The following MFSD12 variants were observed in gnomAD, a reference collection of about 807,000 sequenced individuals.
MFSD12 encodes major facilitator superfamily domain-containing protein 12.
Under a neutral mutation model 51.2 loss-of-function variants are expected in MFSD12, and 67 were observed. That is an observed-to-expected ratio of 1.31 (90% CI 1.08 to 1.60). MFSD12 has a LOEUF of 1.60. Among genes scored for constraint, MFSD12 ranks in the 40% most tolerant of loss-of-function variants. MFSD12 has a pLI of 0.00. For missense variants in MFSD12, 921 were observed against 673.0 expected (o/e 1.37, Z -4.08); for synonymous variants, 441 against 316.7 (o/e 1.39, Z -4.17).
chr19:3,544,381 T>G lies in MFSD12; in HGVS notation c.*329A>C. The G allele has an allele frequency of 7.8e-7, 1 of 1,288,574 alleles. No homozygotes were observed. Among genetic ancestry groups the G allele is most frequent in the Non-Finnish European group, 9.8e-7 (1 of 1,018,082 alleles). The allele number at this position is 1,288,574 out of a possible 1,614,324, so 79.8% of individuals were successfully genotyped here. A position where few individuals can be genotyped will look rare whatever the true frequency, so the allele number is the denominator to read the frequency against. ...CCCAGGCTGGAGGTGAGGGGTGAAC[T>G]GGACTGAGCTCAGGGTTAGGGTTCC... On this transcript the variant is annotated 3_prime_UTR_variant, in exon 10 of 10. Transcript: ENST00000355415.
At chr19:3,541,764 C>G (rs916945429), downstream of MFSD12, 1 of 985,162 alleles carries the variant, frequency 1.0e-6, no homozygotes, top group African/African-American at 1.7e-5. Flanking sequence ...GGTACGGGGC[C>G]GACAGCAGGG....
chr19:3,545,657 G>A (rs997729958), intron 8 of MFSD12, among the ~76,000 whole-genome samples: 6 of 152,226 alleles, frequency 3.9e-5, no homozygotes, highest in Admixed American at 1.3e-4. Flanking sequence ...GTTCACCTCT[G>A]TGACTATTAA....
intron 4 of MFSD12, chr19:3,538,935 G>A (rs1336264584): frequency 3.1e-6 from 2 of 653,448 alleles, no homozygotes; most frequent in Admixed American, 2.2e-5. Context: ...GGGGTGCATA[G>A]AGCTGGGGGC....
chr19:3,555,378 G>C (rs918594255), intron 1 of MFSD12, among the ~76,000 whole-genome samples: 1 of 152,092 alleles, frequency 6.6e-6, no homozygotes, highest in Non-Finnish European at 1.5e-5. Context: ...GGATGACAGG[G>C]GTGAGCCACC....
chr19:3,545,074 C>T, intron 8 of MFSD12, 135 bp from the exon 9 acceptor site: 1 of 1,167,914 alleles, frequency 8.6e-7, no homozygotes, highest in Non-Finnish European at 1.2e-6. Flanking sequence ...CCTGCCACTC[C>T]CTCCCTCCTG....
chr19:3,543,947 G>T, downstream of MFSD12: 1 of 1,551,100 alleles, frequency 6.4e-7, no homozygotes, highest in South Asian at 1.2e-5. Flanking sequence ...AGTGGGTCCT[G>T]GAACCATACT....
intron 2 of MFSD12, among the ~76,000 whole-genome samples, chr19:3,550,385 C>G (rs889805104): frequency 1.3e-5 from 2 of 151,482 alleles, no homozygotes; most frequent in Non-Finnish European, 2.9e-5. Flanking sequence ...CCTGTCTCTA[C>G]AAAAACTTTT....
chr19:3,555,161 T>A (rs570697653), intron 1 of MFSD12, among the ~76,000 whole-genome samples: 1 of 152,322 alleles, frequency 6.6e-6, no homozygotes, highest in East Asian at 1.9e-4. Context: ...GTGTCTGGAG[T>A]GCAGTGGCGC....
Position 3,551,596 on chromosome 19 carries a change from T to C in MFSD12, c.299-402A>G, listed in dbSNP as rs2145211722. Among the ~76,000 whole-genome samples the C allele has an allele frequency of 6.6e-6, 1 of 152,132 alleles. No homozygotes were observed. The highest frequency in any genetic ancestry group is 3.4e-3 in the Middle Eastern group (1 of 294). On this transcript the variant is annotated intron_variant, in intron 1 of 9. Transcript: ENST00000355415. This position sits in a 1 kb window ranked among gnomAD's most constrained non-coding sequence, Gnocchi z 4.6. ...CTGGACCCCTCCTTAAGCTCCGCCA[T>C]CCTCATCAGCTCCTAAGGTGACCAC...
Position 3,544,808 on chromosome 19 carries a change from C to T in MFSD12, c.1420+1G>A, listed in dbSNP as rs758488450. ...GGAGGGAGGGGTGGGCCAGGACTCA[C>T]AGCGTCGCAGGCGGGTCGGCCACAG... is the stretch of plus-strand genomic sequence containing the variant. On this transcript the variant is annotated splice_donor_variant, in intron 9 of 9. Coordinates refer to ENST00000355415, the MANE Select transcript of MFSD12 (RefSeq NM_174983.5). LOFTEE classifies it high-confidence loss of function. 1 of 1,612,050 alleles carries T rather than the reference C, an allele frequency of 6.2e-7. No homozygotes were observed. Among genetic ancestry groups the T allele is most frequent in the South Asian group, 1.1e-5 (1 of 90,916 alleles).
chr19:3,545,067 G>A, intron 8 of MFSD12, 128 bp from the exon 9 acceptor site: 1 of 1,265,712 alleles, frequency 7.9e-7, no homozygotes. Flanking sequence ...TGGGGGCCCT[G>A]CCACTCCCTC....
downstream of MFSD12, chr19:3,543,930 T>G: frequency 1.3e-6 from 2 of 1,551,060 alleles, no homozygotes; most frequent in Non-Finnish European, 1.7e-6. Context: ...CACCCAGAAC[T>G]ACCGGGAGTG....
intron 8 of MFSD12, among the ~76,000 whole-genome samples, chr19:3,545,856 T>G (rs1372380336): frequency 6.6e-6 from 1 of 152,154 alleles, no homozygotes; most frequent in Non-Finnish European, 1.5e-5. Flanking sequence ...CTGTACGGTG[T>G]CTTCAGCACT....
At position 3,554,984 on chromosome 19, in the gene MFSD12, C is replaced by T. The variant is rs928610233; in HGVS notation, c.298+2122G>A. Among the ~76,000 whole-genome samples, 15 of 152,342 alleles carry T rather than the reference C, an allele frequency of 9.8e-5. No homozygotes were observed. The East Asian group carries it at 2.5e-3, about 25-fold the overall frequency. Reference sequence around the variant, plus strand: ...CAGCTCCCAGGGCAGGTGCCCTCCCCGAGGCGGGGAAGAGGGGTGACGGTG... The same window carrying T: ...CAGCTCCCAGGGCAGGTGCCCTCCCTGAGGCGGGGAAGAGGGGTGACGGTG... On this transcript the variant is annotated intron_variant, in intron 1 of 9. Transcript: ENST00000355415.
intron 4 of MFSD12, 147 bp downstream of exon 4, chr19:3,547,701 C>T: frequency 8.4e-7 from 1 of 1,184,144 alleles, no homozygotes; most frequent in Non-Finnish European, 1.2e-6. Context: ...AAGAGGAGAG[C>T]AGCACTTGAT....
intron 2 of MFSD12, among the ~76,000 whole-genome samples, chr19:3,550,590 A>AC (rs1428551779): frequency 2.0e-5 from 3 of 151,976 alleles, no homozygotes; most frequent in South Asian, 2.1e-4. Flanking sequence ...ACGAGGTTTC[A>AC]CGTGTTAGCG....
chr19:3,545,936 C>T (rs1056558525), intron 8 of MFSD12, 138 bp downstream of exon 8: 6 of 830,440 alleles, frequency 7.2e-6, no homozygotes, highest in Non-Finnish European at 5.9e-6. Flanking sequence ...AAGGTCTCCC[C>T]TGCCTATGAC....
intron 4 of MFSD12, 67 bp from the exon 5 acceptor site, chr19:3,547,614 G>T: frequency 7.0e-7 from 1 of 1,433,272 alleles, no homozygotes; most frequent in Non-Finnish European, 9.6e-7. Context: ...ACCAGCAGGG[G>T]GCACCGGGGC....
In MFSD12 at chr19:3,544,631, G is replaced by A. The variant is rs2030788132; in HGVS notation, c.*79C>T. ...CCAGAGAAGAGTGAGGGGCAGTGGG[G>A]GCTTTTCCCCAAGGCCCTGGGGGGC... On this transcript the variant is annotated 3_prime_UTR_variant, in exon 10 of 10. Coordinates refer to ENST00000355415, the MANE Select transcript of MFSD12 (RefSeq NM_174983.5). 2.5e-5 allele frequency: 38 copies of A among 1,521,900 alleles called. 1 individual carries two copies. The South Asian group carries it at 4.7e-4, about 19-fold the overall frequency. The allele number at this position is 1,521,900 out of a possible 1,614,324, so 94.3% of individuals were successfully genotyped here.
Sources: gnomAD v4.1 joint callset for allele counts (sites outside exome capture counted in the v4.1 genomes callset) on GRCh38, gnomAD v4.1.1 for gene constraint, Gnocchi (gnomAD v3.1) non-coding constraint, MANE v1.5 for transcripts, NCBI Gene and HGNC (gene_info 2026-07-23, HGNC 2026-07-21) for gene names.